POLD1: variants seen among roughly 807,000 people sequenced by gnomAD.
POLD1 encodes DNA polymerase delta 1, catalytic subunit.
A neutral mutation model predicts 129.7 loss-of-function variants in POLD1; 79 were observed. The observed-to-expected ratio is 0.61, with a 90% CI of 0.51 to 0.73. The LOEUF (loss-of-function observed/expected upper bound fraction) is 0.73, where lower values mean the gene tolerates loss of function less well. POLD1 is among the 30% of genes least tolerant of loss of function. The probability of loss-of-function intolerance (pLI) is 0.00; values close to 1 mark genes in which losing one functional copy is unlikely to be tolerated. For synonymous variants in POLD1, 714 were observed against 683.3 expected, an observed-to-expected ratio of 1.04 and a Z score of -0.70; for missense variants, 1,338 against 1,595.8, an observed-to-expected ratio of 0.84 and a Z score of 2.75.
rs1060501853 is a variant in POLD1 at position 50,413,459 on chromosome 19, A to C, written c.2188A>C (p.Lys730Gln). The C allele has an allele frequency of 1.2e-6, 2 of 1,613,466 alleles. No homozygotes were observed. The highest frequency in any genetic ancestry group is 1.7e-6 in the Non-Finnish European group (2 of 1,179,638). ...GGGGTTCGGACGTCAGATGATCGAGAAAACCAAGCAGCTGGTGGAGTCTAA... is the reference window on the plus strand; with the variant it reads ...GGGGTTCGGACGTCAGATGATCGAGCAAACCAAGCAGCTGGTGGAGTCTAA... The part of the protein sequence containing the change: ...VTGFGRQMIE[K>Q]TKQLVESKYT... The change falls in exon 18 of 27, where the codon AAA (lysine) becomes CAA (glutamine). Residue 730 changes from lysine (K) to glutamine (Q), a missense_variant. Lys to Gln is a moderately conservative substitution (Grantham distance 53). Around this residue, in one of 3 missense-constraint regions of POLD1, gnomAD observed 720 missense variants for 1,002.6 expected, o/e 0.72. Transcript: ENST00000440232.
At chr19:50,399,321 G>C (rs150837922) in intron 2 of POLD1, 50 bp from the exon 3 acceptor site, 2 of 1,449,112 alleles carry the variant, frequency 1.4e-6, no homozygotes, top group African/African-American at 1.4e-5. Flanking sequence ...CATCCTGGCC[G>C]GGGAAGACCA....
chr19:50,391,213 C>A (rs3219320), intron 1 of POLD1, among the ~76,000 whole-genome samples: 8 of 151,440 alleles, frequency 5.3e-5, no homozygotes, highest in African/African-American at 2.0e-4. Context: ...ACTTCCTAGA[C>A]GGGATGGCGG....
intron 7 of POLD1, 22 bp from the exon 8 acceptor site, chr19:50,402,590 G>C (rs759502680): frequency 6.4e-7 from 1 of 1,570,568 alleles, no homozygotes; most frequent in East Asian, 2.3e-5. Context: ...TGCTGCCACC[G>C]CTGACCCACC....
At chr19:50,411,429 T>C (rs2039084545) in intron 17 of POLD1, among the ~76,000 whole-genome samples, 1 of 152,218 alleles carries the variant, frequency 6.6e-6, no homozygotes, top group Non-Finnish European at 1.5e-5. Flanking sequence ...ACCAATCCTG[T>C]GTCTCTGTCT....
At chr19:50,415,701 C>G in intron 21 of POLD1, 23 bp from the exon 22 acceptor site, 1 of 1,523,832 alleles carries the variant, frequency 6.6e-7, no homozygotes, top group South Asian at 1.2e-5. Context: ...CCCTCACCCA[C>G]CCGCCACCCC....
chr19:50,404,574 C>T (rs899486952), intron 10 of POLD1, among the ~76,000 whole-genome samples: 7 of 77,864 alleles, frequency 9.0e-5, no homozygotes, highest in African/African-American at 2.5e-4. Flanking sequence ...TTTTCTCTTT[C>T]TTTTTTTTTT....
At chr19:50,413,999 G>A in intron 19 of POLD1, 120 bp downstream of exon 19, 1 of 1,087,624 alleles carries the variant, frequency 9.2e-7, no homozygotes, top group Middle Eastern at 3.0e-4. Flanking sequence ...AGATTCTCCT[G>A]AGGCTGGGGC....
At chr19:50,398,350 T>A (rs956513473) in intron 1 of POLD1, among the ~76,000 whole-genome samples, 1 of 151,772 alleles carries the variant, frequency 6.6e-6, no homozygotes, top group African/African-American at 2.4e-5. Context: ...GGCGAGTGGA[T>A]CACCTGAGGT....
At chr19:50,384,593 G>A (rs1023938966) in intron 1 of POLD1, among the ~76,000 whole-genome samples, 3 of 151,838 alleles carry the variant, frequency 2.0e-5, no homozygotes, top group African/African-American at 7.3e-5. Flanking sequence ...GGAATTCCTC[G>A]GCGGGCAGGG....
intron 6 of POLD1, 28 bp from the exon 7 acceptor site, chr19:50,402,426 C>T (rs751039362): frequency 3.1e-6 from 5 of 1,613,008 alleles, no homozygotes; most frequent in Non-Finnish European, 4.2e-6. Context: ...CGGGCAGCCC[C>T]TGTCCACTGA....
intron 8 of POLD1, 103 bp from the exon 9 acceptor site, chr19:50,402,950 G>A (rs1381600275): frequency 7.6e-6 from 11 of 1,440,936 alleles, no homozygotes; most frequent in Middle Eastern, 2.2e-4. Flanking sequence ...ACGTAGGGCC[G>A]GCAGGCAGCG....
At chr19:50,388,099 A>G (rs1343049682) in intron 1 of POLD1, among the ~76,000 whole-genome samples, 1 of 152,246 alleles carries the variant, frequency 6.6e-6, no homozygotes, top group Non-Finnish European at 1.5e-5. Flanking sequence ...GATCCCATTT[A>G]TAGGAAATGC....
rs2038654431 is a variant in POLD1 at position 50,401,943 on chromosome 19, G to A, written c.463+19G>A. On this transcript the variant is annotated intron_variant, in intron 4 of 26. Coordinates refer to ENST00000440232, the MANE Select transcript of POLD1 (RefSeq NM_002691.4). ...CCCCCTGGTGAGTGGCCCCTACCCA[G>A]CCCCTCCCTGAGCCACTGGAGCCCC... 2 of 1,613,914 alleles carry A rather than the reference G, an allele frequency of 1.2e-6. No individual in the cohort carries two copies. Among genetic ancestry groups the A allele is most frequent in the Non-Finnish European group, 1.7e-6 (2 of 1,179,918 alleles).
At chr19:50,404,991 C>T (rs375669913) in intron 10 of POLD1, among the ~76,000 whole-genome samples, 1 of 151,998 alleles carries the variant, frequency 6.6e-6, no homozygotes, top group Non-Finnish European at 1.5e-5. Flanking sequence ...TCTCGAACTC[C>T]CAATCTCAGG....
intron 22 of POLD1, chr19:50,416,068 GCCGGGGGTTC>G: frequency 1.8e-6 from 1 of 566,480 alleles, no homozygotes; most frequent in Non-Finnish European, 3.1e-6. Flanking sequence ...CAGCTCCCCA[GCCGGGGGTTC>G]CCTTGGATTC....
Position 50,401,932 on chromosome 19 carries a change from G to A in POLD1, c.463+8G>A, listed in dbSNP as rs1726802. ...ACACCCCAGCGCCCCCTGGTGAGTG[G>A]CCCCTACCCAGCCCCTCCCTGAGCC... On this transcript the variant is annotated splice_region_variant and intron_variant, in intron 4 of 26. Transcript: ENST00000440232. 9 of 1,613,874 alleles carry A rather than the reference G, an allele frequency of 5.6e-6. No individual in the cohort carries two copies. Among genetic ancestry groups the A allele is most frequent in the Non-Finnish European group, 7.6e-6 (9 of 1,179,922 alleles).
chr19:50,404,574 CTT>C (rs71182717), intron 10 of POLD1, among the ~76,000 whole-genome samples: 7 of 77,868 alleles, frequency 9.0e-5, no homozygotes, highest in African/African-American at 1.9e-4. Context: ...TTTTCTCTTT[CTT>C]TTTTTTTTTT....
In POLD1 at chr19:50,416,566, G is replaced by C. The variant is rs370217646; in HGVS notation, c.2953+38G>C. 1.9e-4 allele frequency: 297 copies of C among 1,547,740 alleles called. No homozygotes were observed. The highest frequency in any genetic ancestry group is 2.5e-4 in the Non-Finnish European group (288 of 1,148,960). On this transcript the variant is annotated intron_variant, in intron 23 of 26. Coordinates refer to ENST00000440232, the MANE Select transcript of POLD1 (RefSeq NM_002691.4). The stretch of plus-strand genomic sequence containing the variant: ...CAGGGGACTGGGGGCACCCTGGGGG[G>C]GCAGAGGAGATCACCGGCCCACCAC...
chr19:50,408,961 C>T, intron 15 of POLD1, 60 bp downstream of exon 15: 2 of 1,522,400 alleles, frequency 1.3e-6, no homozygotes, highest in Non-Finnish European at 1.8e-6. Context: ...CCTTGGGGGG[C>T]TCAGTCTGGT....
Sources: allele counts gnomAD v4.1 joint callset (sites outside exome capture counted in the v4.1 genomes callset), GRCh38; gene constraint gnomAD v4.1.1; regional missense constraint gnomAD v4.1.1; transcripts MANE v1.5; gene names NCBI Gene and HGNC (gene_info 2026-07-23, HGNC 2026-07-21).